LYPD6B: variants seen among roughly 807,000 people sequenced by gnomAD.
LYPD6B encodes ly6/PLAUR domain-containing protein 6B.
LYPD6B carries 17 observed loss-of-function variants against 22.8 expected under a neutral mutation model. That is an observed-to-expected ratio of 0.75 (90% CI 0.51 to 1.12). The LOEUF (loss-of-function observed/expected upper bound fraction) is 1.12. Among genes scored for constraint, LYPD6B ranks in the 50% most tolerant of loss-of-function variants. LYPD6B has a pLI of 0.00. For missense variants in LYPD6B, 221 were observed against 258.3 expected (o/e 0.86, Z 0.99); for synonymous variants, 106 against 91.6 (o/e 1.16, Z -0.90).
chr2:149,139,214 TG>T (rs1354326255), intron 2 of LYPD6B, among the ~76,000 whole-genome samples: 1 of 152,174 alleles, frequency 6.6e-6, no homozygotes, highest in Non-Finnish European at 1.5e-5. Context: ...ATGCTTGCCC[TG>T]GAAGGGGAGA....
chr2:149,049,932 A>T (rs577064905), intron 1 of LYPD6B, among the ~76,000 whole-genome samples: 2 of 152,288 alleles, frequency 1.3e-5, no homozygotes, highest in South Asian at 4.1e-4. Context: ...AGTGACTTGG[A>T]TTCACAGTAG....
At chr2:149,160,905 G>A (rs966642749) in intron 3 of LYPD6B, 70 bp downstream of exon 3, 14 of 1,164,774 alleles carry the variant, frequency 1.2e-5, no homozygotes, top group Non-Finnish European at 1.6e-5. Flanking sequence ...TGTTGGGAAT[G>A]GACTCCTGAA....
intron 1 of LYPD6B, among the ~76,000 whole-genome samples, chr2:149,055,518 G>A (rs1057454858): frequency 6.6e-6 from 1 of 152,100 alleles, no homozygotes; most frequent in Non-Finnish European, 1.5e-5. Flanking sequence ...CATGAAAACC[G>A]GATGCTTTTC....
At chr2:149,164,952 C>T (rs997894469) in intron 3 of LYPD6B, among the ~76,000 whole-genome samples, 4 of 152,174 alleles carry the variant, frequency 2.6e-5, no homozygotes, top group Non-Finnish European at 5.9e-5. Context: ...GTTTAATTTG[C>T]TCATGATTCT....
intron 2 of LYPD6B, among the ~76,000 whole-genome samples, chr2:149,150,171 G>A (rs1239688642): frequency 2.0e-5 from 3 of 152,152 alleles, no homozygotes; most frequent in Admixed American, 1.3e-4. Flanking sequence ...ATTGCTATAA[G>A]CAGCTTGGAG....
intron 3 of LYPD6B, among the ~76,000 whole-genome samples, chr2:149,177,939 T>C (rs1010318092): frequency 6.6e-6 from 1 of 152,052 alleles, no homozygotes; most frequent in Non-Finnish European, 1.5e-5. Context: ...ACACACTTTG[T>C]ACTTAATTAA....
At chr2:149,095,188 C>G (rs1229037676) in intron 1 of LYPD6B, among the ~76,000 whole-genome samples, 1 of 152,084 alleles carries the variant, frequency 6.6e-6, no homozygotes, top group Non-Finnish European at 1.5e-5. Flanking sequence ...CTCAGCTACT[C>G]AGGAGGCTGA....
intron 1 of LYPD6B, among the ~76,000 whole-genome samples, chr2:149,066,920 G>C (rs1228221253): frequency 6.6e-6 from 1 of 152,048 alleles, no homozygotes; most frequent in African/African-American, 2.4e-5. Flanking sequence ...CAGATAGTGA[G>C]GATAGTACCC....
chr2:149,120,385 T>TATATATATATATA (rs56118666), intron 1 of LYPD6B, among the ~76,000 whole-genome samples: 3 of 54,784 alleles, frequency 5.5e-5, no homozygotes, highest in African/African-American at 2.3e-4. Context: ...ATATATATAT[T>TATATATATATATA]TTTTTTTTTT....
chr2:149,191,985 G>C (rs1410264775), intron 3 of LYPD6B, among the ~76,000 whole-genome samples: 1 of 152,198 alleles, frequency 6.6e-6, no homozygotes, highest in South Asian at 2.1e-4. Flanking sequence ...CTTCAGCAAA[G>C]TGAGAAAGGT....
At chr2:149,083,711 G>A (rs565109756) in intron 1 of LYPD6B, among the ~76,000 whole-genome samples, 2 of 152,228 alleles carry the variant, frequency 1.3e-5, no homozygotes, top group Admixed American at 6.5e-5. Flanking sequence ...TGTGAAGTTC[G>A]TATGGCACGA....
chr2:149,190,621 C>A (rs1692428069), intron 3 of LYPD6B, among the ~76,000 whole-genome samples: 1 of 152,148 alleles, frequency 6.6e-6, no homozygotes, highest in East Asian at 1.9e-4. Context: ...TTATAAAGTA[C>A]AATTTTCATT....
intron 1 of LYPD6B, chr2:149,068,819 C>A: frequency 2.4e-6 from 1 of 419,008 alleles, no homozygotes; most frequent in Non-Finnish European, 4.9e-6. Context: ...AGGCCCACAT[C>A]ATGTGCCTGA....
chr2:149,214,383 G>T (rs369540098), intron 6 of LYPD6B, among the ~76,000 whole-genome samples, 163 bp from the exon 7 acceptor site: 1 of 152,070 alleles, frequency 6.6e-6, no homozygotes, highest in African/African-American at 2.4e-5. Context: ...TGGCATTGGT[G>T]GGGGAAGGGT....
intron 1 of LYPD6B, among the ~76,000 whole-genome samples, chr2:149,100,646 G>A (rs1375010881): frequency 1.3e-5 from 2 of 152,114 alleles, no homozygotes; most frequent in African/African-American, 4.8e-5. Context: ...CTTGGACAAG[G>A]TTAGTTCCTT....
chr2:149,174,334 G>A (rs1399526784), intron 3 of LYPD6B, among the ~76,000 whole-genome samples: 1 of 152,204 alleles, frequency 6.6e-6, no homozygotes. Flanking sequence ...TGCCAACAAA[G>A]ATAGTTTGAT....
chr2:149,056,307 G>A (rs372122815), intron 1 of LYPD6B, among the ~76,000 whole-genome samples: 1 of 152,098 alleles, frequency 6.6e-6, no homozygotes, highest in African/African-American at 2.4e-5. Context: ...TGAAACACAG[G>A]CCATGTCCCC....
intron 3 of LYPD6B, among the ~76,000 whole-genome samples, chr2:149,202,661 C>A (rs755811392): frequency 1.7e-4 from 26 of 152,086 alleles, no homozygotes; most frequent in Admixed American, 5.9e-4. Flanking sequence ...AGAGTCAAGA[C>A]CTTGTTGGGG....
chr2:149,178,220 C>T (rs1691457623), intron 3 of LYPD6B, among the ~76,000 whole-genome samples: 1 of 152,168 alleles, frequency 6.6e-6, no homozygotes, highest in African/African-American at 2.4e-5. Context: ...ATTAGGCTTC[C>T]AGCACAGCCT....
Sources: gnomAD v4.1 joint callset for allele counts (sites outside exome capture counted in the v4.1 genomes callset) on GRCh38, gnomAD v4.1.1 for gene constraint, MANE v1.5 for transcripts, NCBI Gene and HGNC (gene_info 2026-07-23, HGNC 2026-07-21) for gene names.